The following CKAP5 variants were observed in gnomAD, a reference collection of about 807,000 sequenced individuals.
CKAP5 encodes the protein cytoskeleton-associated protein 5.
A neutral mutation model predicts 232.8 loss-of-function variants in CKAP5; 27 were observed. The ratio of observed to expected loss-of-function variants is 0.12; its 90% confidence interval spans 0.09 to 0.16. The LOEUF (loss-of-function observed/expected upper bound fraction) is 0.16. Among genes scored for constraint, CKAP5 ranks in the 10% least tolerant of loss-of-function variants. CKAP5 has a pLI of 1.00. For missense variants in CKAP5, 1,838 were observed against 2,424.7 expected (o/e 0.76, Z 5.08); for synonymous variants, 785 against 841.1 (o/e 0.93, Z 1.16).
At position 46,743,777 on chromosome 11, in the gene CKAP5, G is replaced by A; in HGVS notation, c.*246C>T. 8 of 512,284 alleles carry A rather than the reference G, an allele frequency of 1.6e-5. No homozygotes were observed. The South Asian group carries it at 1.8e-4, about 12-fold the overall frequency. 31.7% of individuals were successfully genotyped at this position (512,284 alleles called of 1,614,324 possible). On this transcript the variant is annotated 3_prime_UTR_variant, in exon 44 of 44. Coordinates refer to ENST00000529230, the MANE Select transcript of CKAP5 (RefSeq NM_001008938.4). ...TCTGGGAACTAGACTGAGCAGAGAG[G>A]GGGCAGCTGTTTACAAGTCTGTACA... is the stretch of plus-strand genomic sequence containing the variant.
intron 35 of CKAP5, among the ~76,000 whole-genome samples, chr11:46,756,921 ATT>A (rs574875888): frequency 6.1e-5 from 8 of 131,144 alleles, no homozygotes; most frequent in Admixed American, 1.5e-4. Context: ...ATGCCCGGCT[ATT>A]TTTTTTTTTT....
chr11:46,837,673 G>A (rs1262747085), intron 1 of CKAP5, among the ~76,000 whole-genome samples: 1 of 151,218 alleles, frequency 6.6e-6, no homozygotes, highest in African/African-American at 2.4e-5. Flanking sequence ...ACAAATACGC[G>A]CACACACACA....
At chr11:46,796,336 A>G (rs1343199754) in intron 12 of CKAP5, among the ~76,000 whole-genome samples, 2 of 152,180 alleles carry the variant, frequency 1.3e-5, no homozygotes, top group East Asian at 3.8e-4. Context: ...CACATTGTTT[A>G]TGGAAGACAT....
intron 12 of CKAP5, 66 bp from the exon 13 acceptor site, chr11:46,795,842 C>T: frequency 1.5e-6 from 2 of 1,323,984 alleles, no homozygotes; most frequent in Admixed American, 3.6e-5. Flanking sequence ...TACGTTATTA[C>T]ATTTCTAAAC....
chr11:46,809,762 G>C lies in CKAP5; in HGVS notation c.743C>G (p.Ala248Gly). ...LEAKLEQQQSAGGDAEGGGDD... is the reference protein window; with the variant it reads ...LEAKLEQQQSGGGDAEGGGDD... ...CTTACCTCCTTCAGCATCTCCACCA[G>C]CAGACTGTTGTTGTTCCAATTTAGC... The change falls in exon 6 of 44, where the codon GCT becomes GGT. Residue 248 changes from alanine to glycine, a missense_variant. Physicochemically the swap from Ala to Gly is moderately conservative, Grantham distance 60 (BLOSUM62 0). This residue lies in a region of CKAP5 where 285 missense variants were observed against 300.0 expected (regional missense o/e 0.95). Coordinates refer to ENST00000529230, the MANE Select transcript of CKAP5 (RefSeq NM_001008938.4). 6.2e-7 allele frequency: 1 copy of C among 1,614,076 alleles called. No homozygotes were observed. The highest frequency in any genetic ancestry group is 8.5e-7 in the Non-Finnish European group (1 of 1,180,008).
intron 36 of CKAP5, among the ~76,000 whole-genome samples, chr11:46,753,994 G>T (rs2065090784): frequency 6.6e-6 from 1 of 151,750 alleles, no homozygotes; most frequent in Admixed American, 6.6e-5. Context: ...GCTTCTAATT[G>T]TGAAATTTTT....
chr11:46,821,038 A>G (rs974583134), intron 2 of CKAP5, 137 bp downstream of exon 2: 3 of 548,552 alleles, frequency 5.5e-6, no homozygotes, highest in Non-Finnish European at 9.3e-6. Context: ...TTTCAATGAG[A>G]AAAAATAACA....
chr11:46,778,679 C>G lies in CKAP5; in HGVS notation c.2434-80G>C, dbSNP rs1432482644. The G allele has an allele frequency of 2.5e-6, 3 of 1,188,982 alleles. No homozygotes were observed. The African/African-American group carries it at 4.5e-5, about 18-fold the overall frequency. The allele number at this position is 1,188,982 out of a possible 1,614,324, so 73.7% of individuals were successfully genotyped here. On this transcript the variant is annotated intron_variant, in intron 20 of 43. Coordinates refer to ENST00000529230, the MANE Select transcript of CKAP5 (RefSeq NM_001008938.4). ...AACAAATTAGAGAGGGTGCCTGTGT[C>G]AAACTCTCATTCCTTTGTAATACCT...
At position 46,750,314 on chromosome 11, in the gene CKAP5, C is replaced by T; in HGVS notation, c.5664G>A (p.Glu1888=). 1.2e-6 allele frequency: 2 copies of T among 1,614,184 alleles called. No individual in the cohort carries two copies. The highest frequency in any genetic ancestry group is 1.7e-6 in the Non-Finnish European group (2 of 1,180,022). Residue 1888 remains glutamate (E), a synonymous_variant, in exon 42 of 44, where the codon GAG becomes GAA. Transcript: ENST00000529230. ...TACGACCTTTGCCCTCCCTCTCCAT[C>T]TCAATCACCCGAAGGCCTCTTTCGA... is the stretch of plus-strand genomic sequence containing the variant. ...SYVERGLRVI[E]MEREGKGRIS...
intron 13 of CKAP5, among the ~76,000 whole-genome samples, chr11:46,795,111 C>T (rs755796677): frequency 2.0e-5 from 3 of 151,992 alleles, no homozygotes; most frequent in Non-Finnish European, 4.4e-5. Context: ...GGTGGATCAC[C>T]TGAGGTCAGG....
At chr11:46,809,559 T>C (rs1188254952) in intron 6 of CKAP5, 59 bp from the exon 7 acceptor site, 8 of 1,414,446 alleles carry the variant, frequency 5.7e-6, no homozygotes, top group African/African-American at 2.9e-5. Context: ...TACTTATCAG[T>C]TATCAGTCCT....
rs1362391922 is a variant in CKAP5 at position 46,743,952 on chromosome 11, G to A, written c.*71C>T. On this transcript the variant is annotated 3_prime_UTR_variant, in exon 44 of 44. Transcript: ENST00000529230. ...GTTTGTATACACTAGGCCTGCTGAGGCCATTTTAAACTATGAGGACTTCTA... is the reference window on the plus strand; with the variant it reads ...GTTTGTATACACTAGGCCTGCTGAGACCATTTTAAACTATGAGGACTTCTA... The A allele has an allele frequency of 8.8e-6, 14 of 1,596,468 alleles. No homozygotes were observed. The highest frequency in any genetic ancestry group is 1.2e-5 in the Non-Finnish European group (14 of 1,168,600).
intron 20 of CKAP5, among the ~76,000 whole-genome samples, chr11:46,779,381 C>T (rs1369495418): frequency 6.6e-6 from 1 of 152,192 alleles, no homozygotes; most frequent in Admixed American, 6.5e-5. Context: ...GATCTGCCCG[C>T]CTTGGCCTCC....
At chr11:46,747,081 G>A (rs1197522215) in intron 42 of CKAP5, among the ~76,000 whole-genome samples, 1 of 151,920 alleles carries the variant, frequency 6.6e-6, no homozygotes, top group Non-Finnish European at 1.5e-5. Context: ...AGGTTGCAGT[G>A]AGCCGAGATC....
intron 37 of CKAP5, 146 bp from the exon 38 acceptor site, chr11:46,752,856 T>A: frequency 1.7e-6 from 1 of 585,568 alleles, no homozygotes. Flanking sequence ...CTACCTGACA[T>A]TCAGTTAAGA....
At chr11:46,765,092 C>T in intron 28 of CKAP5, 39 bp downstream of exon 28, 1 of 1,584,468 alleles carries the variant, frequency 6.3e-7, no homozygotes, top group Non-Finnish European at 8.6e-7. Flanking sequence ...AATAACAATA[C>T]AAGCAAAAAT....
At chr11:46,816,052 T>C (rs1592477826) in intron 4 of CKAP5, 146 bp downstream of exon 4, 2 of 620,494 alleles carry the variant, frequency 3.2e-6, no homozygotes, top group Non-Finnish European at 5.6e-6. Flanking sequence ...CCTTATGAGG[T>C]GGAACTGTTT....
intron 13 of CKAP5, among the ~76,000 whole-genome samples, chr11:46,792,174 C>G (rs575452465): frequency 4.0e-5 from 6 of 151,008 alleles, no homozygotes; most frequent in Non-Finnish European, 5.9e-5. Context: ...TAATAGCATT[C>G]TCTATATGGA....
At chr11:46,784,078 G>A (rs1040102941) in intron 17 of CKAP5, among the ~76,000 whole-genome samples, 1 of 151,572 alleles carries the variant, frequency 6.6e-6, no homozygotes, top group Non-Finnish European at 1.5e-5. Context: ...TAAAAATGCA[G>A]TATCAAAGGG....
Sources: allele counts gnomAD v4.1 joint callset (sites outside exome capture counted in the v4.1 genomes callset), GRCh38; gene constraint gnomAD v4.1.1; regional missense constraint gnomAD v4.1.1; transcripts MANE v1.5; gene names NCBI Gene and HGNC (gene_info 2026-07-23, HGNC 2026-07-21).